TAFA3: variants seen among roughly 807,000 people sequenced by gnomAD.
TAFA3 encodes the protein chemokine-like protein TAFA-3.
TAFA3 carries 17 observed loss-of-function variants against 20.7 expected under a neutral mutation model. That is an observed-to-expected ratio of 0.82 (90% confidence interval 0.56 to 1.23). The LOEUF is 1.23. Ranked by LOEUF, TAFA3 falls within the 50% of genes most tolerant of loss-of-function variation. TAFA3 has a pLI of 0.00. For synonymous variants in TAFA3, 74 were observed against 71.8 expected, an observed-to-expected ratio of 1.03 and a Z score of -0.16; for missense variants, 174 against 172.8, an observed-to-expected ratio of 1.01 and a Z score of -0.04.
Position 112,724,102 on chromosome 1 carries a change from AG to A in TAFA3, c.356del (p.Ser119ThrfsTer29), listed in dbSNP as rs772243844. 3.7e-6 allele frequency: 6 copies of A among 1,612,198 alleles called. No individual in the cohort carries two copies. In the South Asian group the frequency reaches 6.6e-5, roughly 18 times the overall value. On this transcript the variant is annotated frameshift_variant, in exon 5 of 6. Coordinates refer to ENST00000361886, the MANE Select transcript of TAFA3 (RefSeq NM_182759.3). LOFTEE classifies it high-confidence loss of function. ...CKVLPDLSGW[S>X]CSSGHKVKTT... ...GGTGCTCCCGGACCTGTCGGGATGG[AG>A]CTGCAGCAGTGGACACAAAGTCAAA...
intron 5 of TAFA3, 99 bp downstream of exon 5, chr1:112,724,236 C>A: frequency 9.0e-7 from 1 of 1,105,674 alleles, no homozygotes; most frequent in Non-Finnish European, 1.3e-6. Context: ...TGTCAGTGTC[C>A]CAAGGTGAGA....
chr1:112,721,514 A>G (rs1426433488), intron 2 of TAFA3, among the ~76,000 whole-genome samples: 3 of 152,092 alleles, frequency 2.0e-5, no homozygotes, highest in African/African-American at 7.2e-5. Context: ...GGGTCTTGCT[A>G]TGTTGCCTAG....
Position 112,724,016 on chromosome 1 carries a change from C to T in TAFA3, c.269C>T (p.Ser90Phe). The change falls in exon 5 of 6, where the codon TCC (serine) becomes TTC (phenylalanine). Residue 90 changes from serine (S) to phenylalanine (F), a missense_variant. Physicochemically the swap from Ser to Phe is radical, Grantham distance 155. Coordinates refer to ENST00000361886, the MANE Select transcript of TAFA3 (RefSeq NM_182759.3). Reference sequence around the variant, plus strand: ...ACTCCGCCTCCTGCTCCCACAGCCTCCATCGTCCTGCAGAGATGGTGGTGT... The same window carrying T: ...ACTCCGCCTCCTGCTCCCACAGCCTTCATCGTCCTGCAGAGATGGTGGTGT... ...TRAKPSCVDA[S>F]IVLQRWWCQM... The T allele has an allele frequency of 6.2e-7, 1 of 1,613,968 alleles. No homozygotes were observed. The highest frequency in any genetic ancestry group is 1.7e-4 in the Middle Eastern group (1 of 5,984).
intron 1 of TAFA3, among the ~76,000 whole-genome samples, chr1:112,720,090 A>G (rs1675295054): frequency 6.6e-6 from 1 of 152,114 alleles, no homozygotes; most frequent in Non-Finnish European, 1.5e-5. Context: ...GAATGGGGGC[A>G]AGGGATGCTA....
intron 3 of TAFA3, among the ~76,000 whole-genome samples, chr1:112,722,787 C>T (rs2101497792): frequency 6.6e-6 from 1 of 152,292 alleles, no homozygotes; most frequent in African/African-American, 2.4e-5. Flanking sequence ...TGCCCAGGGG[C>T]CGTGCTCTGC....
chr1:112,723,996 G>A lies in TAFA3; in HGVS notation c.266-17G>A, dbSNP rs776332452. ...CGTAGAGACCCTAGAGCTGCACTCC[G>A]CCTCCTGCTCCCACAGCCTCCATCG... On this transcript the variant is annotated splice_polypyrimidine_tract_variant and intron_variant, in intron 4 of 5. Transcript: ENST00000361886. 1.2e-5 allele frequency: 19 copies of A among 1,613,830 alleles called. No individual in the cohort carries two copies. Among genetic ancestry groups the A allele is most frequent in the South Asian group, 4.4e-5 (4 of 91,062 alleles).
intron 5 of TAFA3, among the ~76,000 whole-genome samples, chr1:112,724,501 G>A (rs1675411991): frequency 1.3e-5 from 2 of 151,318 alleles, no homozygotes; most frequent in South Asian, 2.1e-4. Context: ...GGATGAAATT[G>A]GAAATCATCA....
At chr1:112,724,508 A>T (rs937469403) in intron 5 of TAFA3, among the ~76,000 whole-genome samples, 1 of 151,404 alleles carries the variant, frequency 6.6e-6, no homozygotes, top group East Asian at 1.9e-4. Flanking sequence ...ATTGGAAATC[A>T]TCATTCTCAG....
intron 2 of TAFA3, among the ~76,000 whole-genome samples, chr1:112,720,943 A>G (rs1675313121): frequency 6.6e-6 from 1 of 152,178 alleles, no homozygotes; most frequent in African/African-American, 2.4e-5. Flanking sequence ...CAAACCATCA[A>G]CGATGAAAGA....
At chr1:112,725,739 C>T (rs1035752228) in intron 5 of TAFA3, among the ~76,000 whole-genome samples, 19 of 152,220 alleles carry the variant, frequency 1.2e-4, no homozygotes, top group African/African-American at 4.6e-4. Context: ...ATTGCTCTGC[C>T]GTCACCATTG....
At chr1:112,719,789 A>G (rs113354381) in intron 1 of TAFA3, among the ~76,000 whole-genome samples, 1,795 of 152,248 alleles carry the variant, frequency 0.012, 42 homozygotes, top group African/African-American at 0.041. Context: ...CTCAGGAAAG[A>G]GGCACATCTA....
chr1:112,722,395 C>T (rs1675351971), intron 3 of TAFA3, 47 bp downstream of exon 3: 1 of 1,517,020 alleles, frequency 6.6e-7, no homozygotes, highest in Non-Finnish European at 9.1e-7. Flanking sequence ...CCCAGGACAC[C>T]TGGGGAGCTG....
intron 5 of TAFA3, 142 bp from the exon 6 acceptor site, chr1:112,726,487 C>A: frequency 1.2e-6 from 1 of 814,260 alleles, no homozygotes; most frequent in Non-Finnish European, 2.0e-6. Context: ...CCAGGCCATG[C>A]TTTCCCATTC....
In TAFA3 at chr1:112,726,633, C is replaced by G. The variant is rs752686307; in HGVS notation, c.395C>G (p.Thr132Arg). 30 of 1,613,868 alleles carry G rather than the reference C, an allele frequency of 1.9e-5. No homozygotes were observed. The highest frequency in any genetic ancestry group is 2.5e-5 in the Non-Finnish European group (30 of 1,179,838). ...SGHKVKTTKVTR is the reference protein window; with the variant it reads ...SGHKVKTTKVRR ...ACCCTCTCGCTTCTTCACCAGGTCA[C>G]ACGATAGCTCTTGGGGGTCACGGCC... is the stretch of plus-strand genomic sequence containing the variant. The change falls in exon 6 of 6, where the codon ACA becomes AGA. Residue 132 changes from threonine to arginine, a missense_variant. Thr to Arg is a moderately conservative substitution (Grantham distance 71, BLOSUM62 -1). Coordinates refer to ENST00000361886, the MANE Select transcript of TAFA3 (RefSeq NM_182759.3).
At chr1:112,723,340 C>G (rs1413702778) in intron 4 of TAFA3, among the ~76,000 whole-genome samples, 175 bp downstream of exon 4, 1 of 152,164 alleles carries the variant, frequency 6.6e-6, no homozygotes, top group Non-Finnish European at 1.5e-5. Context: ...ATCCCTGTGT[C>G]ATAGATGAGA....
intron 5 of TAFA3, among the ~76,000 whole-genome samples, chr1:112,724,716 A>G (rs1454195227): frequency 7.0e-6 from 1 of 143,826 alleles, no homozygotes; most frequent in Non-Finnish European, 1.5e-5. Context: ...GCGCACCAGC[A>G]TGGCACATGT....
At position 112,722,259 on chromosome 1, in the gene TAFA3, G is replaced by A; in HGVS notation, c.26G>A (p.Trp9Ter). ...ATGAGTGAGAGGGTCGAGCGGAACT[G>A]GAGCACGGGCGGCTGGCTGCTGGCA... MSERVERN[W>*]STGGWLLALC... Residue 9 changes from tryptophan (W) to a stop codon, truncating the protein, a stop_gained, in exon 3 of 6, where the codon TGG (tryptophan) becomes TAG (stop). Coordinates refer to ENST00000361886, the MANE Select transcript of TAFA3 (RefSeq NM_182759.3). LOFTEE classifies it high-confidence loss of function. The A allele has an allele frequency of 6.2e-7, 1 of 1,614,154 alleles. No individual in the cohort carries two copies. Among genetic ancestry groups the A allele is most frequent in the Non-Finnish European group, 8.5e-7 (1 of 1,180,026 alleles).
chr1:112,724,228 T>A, intron 5 of TAFA3, 91 bp downstream of exon 5: 1 of 1,185,770 alleles, frequency 8.4e-7, no homozygotes, highest in Non-Finnish European at 1.2e-6. Context: ...GTCTAGGATG[T>A]CAGTGTCCCA....
In TAFA3 at chr1:112,727,140, ACT is replaced by A. The variant is rs1406895535; in HGVS notation, c.*504_*505del. ...AGCTGTTAACATGTTGCAGGAAAAC[ACT>A]CTCCCCTTATGCCAGACCAGCAGTA... On this transcript the variant is annotated 3_prime_UTR_variant, in exon 6 of 6. Transcript: ENST00000361886. 6.2e-6 allele frequency: 1 copy of A among 160,168 alleles called. No homozygotes were observed. The highest frequency in any genetic ancestry group is 1.4e-5 in the Non-Finnish European group (1 of 73,288). 9.9% of individuals were successfully genotyped at this position (160,168 alleles called of 1,614,324 possible).
Sources: gnomAD v4.1 joint callset for allele counts (sites outside exome capture counted in the v4.1 genomes callset) on GRCh38, gnomAD v4.1.1 for gene constraint, MANE v1.5 for transcripts, NCBI Gene and HGNC (gene_info 2026-07-23, HGNC 2026-07-21) for gene names.